The following ADAMTS19 variants were observed in gnomAD, a reference collection of about 807,000 sequenced individuals.
ADAMTS19 encodes the protein ADAM metallopeptidase with thrombospondin type 1 motif 19, also known as A disintegrin and metalloproteinase with thrombospondin motifs 19.
Under a neutral mutation model 153.3 loss-of-function variants are expected in ADAMTS19, and 93 were observed. The observed-to-expected ratio is 0.61, with a 90% CI of 0.51 to 0.72. The LOEUF is 0.72. Ranked by LOEUF, ADAMTS19 falls within the 30% of genes least tolerant of loss-of-function variation. The pLI is 0.00. For synonymous variants in ADAMTS19, 600 were observed against 556.6 expected, an observed-to-expected ratio of 1.08 and a Z score of -1.10; for missense variants, 1,482 against 1,552.1, an observed-to-expected ratio of 0.95 and a Z score of 0.76.
intron 8 of ADAMTS19, among the ~76,000 whole-genome samples, chr5:129,603,902 A>G (rs1750776780): frequency 6.6e-6 from 1 of 152,202 alleles, no homozygotes; most frequent in African/African-American, 2.4e-5. Flanking sequence ...GAAACATGGA[A>G]GAGTTCTTCT....
chr5:129,580,787 T>A (rs1352568256), intron 7 of ADAMTS19, among the ~76,000 whole-genome samples: 1 of 152,200 alleles, frequency 6.6e-6, no homozygotes, highest in East Asian at 1.9e-4. Context: ...TGAAGCTGAC[T>A]TGATCGTGGT....
chr5:129,628,879 A>G (rs1374574272), intron 10 of ADAMTS19, among the ~76,000 whole-genome samples: 2 of 152,092 alleles, frequency 1.3e-5, no homozygotes, highest in African/African-American at 4.8e-5. Context: ...GTAGTACGCT[A>G]TATCATTTAG....
chr5:129,503,288 TAAGAC>T (rs1006254379), intron 2 of ADAMTS19, among the ~76,000 whole-genome samples: 2 of 152,128 alleles, frequency 1.3e-5, no homozygotes, highest in African/African-American at 4.8e-5. Context: ...TTTAAGATGA[TAAGAC>T]AATAGGATAG....
At chr5:129,589,735 T>C (rs1216787659) in intron 7 of ADAMTS19, among the ~76,000 whole-genome samples, 3 of 152,134 alleles carry the variant, frequency 2.0e-5, no homozygotes, top group Non-Finnish European at 4.4e-5. Flanking sequence ...GTGGTCTGTC[T>C]CTTCACAGGG....
chr5:129,724,664 C>T (rs1757132239), intron 21 of ADAMTS19, among the ~76,000 whole-genome samples: 1 of 152,126 alleles, frequency 6.6e-6, no homozygotes, highest in South Asian at 2.1e-4. Flanking sequence ...GAGAATAACT[C>T]TCTTTCGTAG....
rs558188704 is a variant in ADAMTS19, at chr5:129,541,291, G to A, written c.1329-10573G>A. 5.3e-5 allele frequency among the ~76,000 whole-genome samples: 8 copies of A among 151,536 alleles called. No individual in the cohort carries two copies. The South Asian group carries it at 1.2e-3, about 24-fold the overall frequency. On this transcript the variant is annotated intron_variant, in intron 6 of 22. Coordinates refer to ENST00000274487, the MANE Select transcript of ADAMTS19 (RefSeq NM_133638.6). ...GCAGTGCATTTGTCATAGTTTTATCGTGTTGTTTAGTTACAGATGAAGTCC... is the reference window on the plus strand; with the variant it reads ...GCAGTGCATTTGTCATAGTTTTATCATGTTGTTTAGTTACAGATGAAGTCC...
rs928372468 is a variant in ADAMTS19 at position 129,737,102 on chromosome 5, C to G, written c.3526C>G (p.Pro1176Ala). ...LTFKCLGDQWPVYCRVIREKN... is the reference protein window; with the variant it reads ...LTFKCLGDQWAVYCRVIREKN... ...TTTCAAGTGCCTGGGAGATCAGTGG[C>G]CAGTGTACTGCCGAGTGATACGTGA... is the stretch of plus-strand genomic sequence containing the variant. The change falls in exon 23 of 23, where the codon CCA becomes GCA. Residue 1176 changes from proline to alanine, a missense_variant. Transcript: ENST00000274487. 1 of 1,605,326 alleles carries G rather than the reference C, an allele frequency of 6.2e-7. No individual in the cohort carries two copies. Among genetic ancestry groups the G allele is most frequent in the Non-Finnish European group, 8.5e-7 (1 of 1,174,360 alleles).
chr5:129,645,679 C>T (rs995783947), intron 11 of ADAMTS19, among the ~76,000 whole-genome samples: 4 of 152,038 alleles, frequency 2.6e-5, no homozygotes, highest in Non-Finnish European at 1.5e-5. Context: ...TCTTTCAATG[C>T]CAGCTTGCTG....
chr5:129,684,395 T>G, intron 18 of ADAMTS19, 122 bp downstream of exon 18: 1 of 1,295,930 alleles, frequency 7.7e-7, no homozygotes, highest in South Asian at 1.5e-5. Context: ...GAGTTAGAAA[T>G]GGAAAGTTTT....
chr5:129,737,460 TA>T lies in ADAMTS19; in HGVS notation c.*247del. 1 of 275,246 alleles carries T rather than the reference TA, an allele frequency of 3.6e-6. No homozygotes were observed. Among genetic ancestry groups the T allele is most frequent in the East Asian group, 7.1e-5 (1 of 14,174 alleles). 17.1% of individuals were successfully genotyped at this position (275,246 alleles called of 1,614,324 possible). A position where few individuals can be genotyped will look rare whatever the true frequency, so the allele number is the denominator to read the frequency against. ...GAATTAGTTGGATCCAGTAATATAATAAAAAGAAAAAGGAAAAAAATAGATC... is the reference window on the plus strand; with the variant it reads ...GAATTAGTTGGATCCAGTAATATAATAAAAGAAAAAGGAAAAAAATAGATC... On this transcript the variant is annotated 3_prime_UTR_variant, in exon 23 of 23. Transcript: ENST00000274487.
chr5:129,543,692 A>C (rs1197847511), intron 6 of ADAMTS19, among the ~76,000 whole-genome samples: 1 of 152,162 alleles, frequency 6.6e-6, no homozygotes, highest in African/African-American at 2.4e-5. Context: ...GAGTTAATTA[A>C]GTAAGGAAAG....
chr5:129,599,220 A>C (rs996682759), intron 8 of ADAMTS19, among the ~76,000 whole-genome samples: 2 of 152,190 alleles, frequency 1.3e-5, no homozygotes, highest in African/African-American at 4.8e-5. Context: ...AATTTTGATA[A>C]TTGAAAGGTA....
chr5:129,609,089 A>G (rs538348466), intron 8 of ADAMTS19, among the ~76,000 whole-genome samples: 1 of 152,254 alleles, frequency 6.6e-6, no homozygotes, highest in Non-Finnish European at 1.5e-5. Flanking sequence ...TACTGTCCCC[A>G]TTGTACTCTT....
At chr5:129,601,902 G>A (rs149015996) in intron 8 of ADAMTS19, among the ~76,000 whole-genome samples, 117 of 152,224 alleles carry the variant, frequency 7.7e-4, no homozygotes, top group African/African-American at 2.7e-3. Context: ...AAATCACATT[G>A]TTAGCAAAAA....
In ADAMTS19 at chr5:129,527,633, T is replaced by A. The variant is rs60140965; in HGVS notation, c.1087-115T>A. On this transcript the variant is annotated intron_variant, in intron 4 of 22. Transcript: ENST00000274487. Reference sequence around the variant, plus strand: ...TTTACAAGCTTTTTTTTTTTTTTTTTAAAAAAAAAAAAAGATGTCTCAACT... The same window carrying A: ...TTTACAAGCTTTTTTTTTTTTTTTTAAAAAAAAAAAAAAGATGTCTCAACT... 31,716 of 164,200 alleles carry A rather than the reference T, an allele frequency of 0.19. 2,941 individuals carry two copies. Among genetic ancestry groups the A allele is most frequent in the East Asian group, 0.4 (2,478 of 6,238 alleles). The allele number at this position is 164,200 out of a possible 1,614,324, so 10.2% of individuals were successfully genotyped here.
At chr5:129,611,813 GA>G (rs915461850) in intron 8 of ADAMTS19, among the ~76,000 whole-genome samples, 1 of 151,956 alleles carries the variant, frequency 6.6e-6, no homozygotes, top group Admixed American at 6.6e-5. Flanking sequence ...AAGTTGAAAT[GA>G]AGGAAAAAAT....
intron 6 of ADAMTS19, among the ~76,000 whole-genome samples, chr5:129,549,387 G>A (rs1242389762): frequency 6.6e-6 from 1 of 151,422 alleles, no homozygotes; most frequent in Non-Finnish European, 1.5e-5. Context: ...AAATGAAAGA[G>A]ATAGGACAAG....
In ADAMTS19 at chr5:129,701,477, A is replaced by G; in HGVS notation, c.3044A>G (p.Asn1015Ser). 6.2e-7 allele frequency: 1 copy of G among 1,614,206 alleles called. No homozygotes were observed. Among genetic ancestry groups the G allele is most frequent in the Non-Finnish European group, 8.5e-7 (1 of 1,180,032 alleles). Reference protein sequence around the residue: ...RQVACTQQLSNGTLIRARERD... With the variant: ...RQVACTQQLSSGTLIRARERD... ...GTGGCCTGTACCCAACAACTGAGCAATGGAACACTGATTAGAGCCCGAGAG... is the reference window on the plus strand; with the variant it reads ...GTGGCCTGTACCCAACAACTGAGCAGTGGAACACTGATTAGAGCCCGAGAG... Residue 1015 changes from asparagine to serine, a missense_variant, in exon 20 of 23, where the codon AAT becomes AGT. By Grantham distance (46) the Asn-to-Ser change is conservative. Coordinates refer to ENST00000274487, the MANE Select transcript of ADAMTS19 (RefSeq NM_133638.6).
intron 8 of ADAMTS19, among the ~76,000 whole-genome samples, chr5:129,617,299 T>C (rs1479317907): frequency 6.6e-6 from 1 of 151,990 alleles, no homozygotes; most frequent in Non-Finnish European, 1.5e-5. Context: ...GACCTCCCCA[T>C]GGCTGAAGCT....
Sources: gnomAD v4.1 joint callset for allele counts (sites outside exome capture counted in the v4.1 genomes callset) on GRCh38, gnomAD v4.1.1 for gene constraint, MANE v1.5 for transcripts, NCBI Gene and HGNC (gene_info 2026-07-23, HGNC 2026-07-21) for gene names.